The following CFAP20DC variants were observed in gnomAD, a reference collection of about 807,000 sequenced individuals.
CFAP20DC encodes the protein CFAP20 domain containing.
Under a neutral mutation model 101.7 loss-of-function variants are expected in CFAP20DC, and 84 were observed. The observed-to-expected ratio is 0.83, with a 90% CI of 0.69 to 0.99. The LOEUF is 0.99. Among genes scored for constraint, CFAP20DC ranks in the 50% least tolerant of loss-of-function variants. CFAP20DC has a pLI of 0.00. For synonymous variants in CFAP20DC, 359 were observed against 351.2 expected (o/e 1.02, Z -0.25); for missense variants, 1,007 against 970.3 (o/e 1.04, Z -0.50).
At chr3:58,972,385 T>C (rs752385197) in intron 4 of CFAP20DC, among the ~76,000 whole-genome samples, 13 of 152,160 alleles carry the variant, frequency 8.5e-5, no homozygotes, top group Non-Finnish European at 1.8e-4. Flanking sequence ...TGGAAGGCCA[T>C]ATAATAAAAT....
chr3:58,879,774 G>A (rs901191597), intron 7 of CFAP20DC, among the ~76,000 whole-genome samples: 6 of 151,946 alleles, frequency 3.9e-5, no homozygotes, highest in South Asian at 4.2e-4. Context: ...TTAGAGCCCC[G>A]AGTTCACCAG....
At chr3:58,942,331 A>G (rs1388009599) in intron 4 of CFAP20DC, among the ~76,000 whole-genome samples, 3 of 152,208 alleles carry the variant, frequency 2.0e-5, no homozygotes, top group Non-Finnish European at 2.9e-5. Context: ...CAGTGAGATA[A>G]ATGCAGAAGG....
intron 15 of CFAP20DC, among the ~76,000 whole-genome samples, chr3:58,792,668 A>G (rs984080245): frequency 5.3e-5 from 8 of 151,804 alleles, no homozygotes; most frequent in Non-Finnish European, 2.9e-5. Flanking sequence ...AGAGTACTCA[A>G]TTGAAATTTG....
chr3:58,750,832 A>G (rs1359423475), intron 16 of CFAP20DC, among the ~76,000 whole-genome samples: 2 of 152,232 alleles, frequency 1.3e-5, no homozygotes, highest in African/African-American at 4.8e-5. Context: ...CACTTGAAAG[A>G]AAAGTTGTTA....
rs2079275490 is a variant in CFAP20DC, at chr3:58,861,813, G to C, written c.1593+1745C>G. 2 of 985,318 alleles carry C rather than the reference G, an allele frequency of 2.0e-6. No homozygotes were observed. The highest frequency in any genetic ancestry group is 3.5e-5 in the African/African-American group (2 of 57,256). The allele number at this position is 985,318 out of a possible 1,614,324, so 61.0% of individuals were successfully genotyped here. A position where few individuals can be genotyped will look rare whatever the true frequency, so the allele number is the denominator to read the frequency against. ...CTAGCCGTATGCTACTGGTCACCTT[G>C]ATGGGCATGGCACAGGGGTGACCAG... On this transcript the variant is annotated intron_variant, in intron 12 of 16. Coordinates refer to ENST00000482387, the MANE Select transcript of CFAP20DC (RefSeq NM_001394063.1). This position sits in a 1 kb window ranked among gnomAD's most constrained non-coding sequence, Gnocchi z 4.0.
intron 3 of CFAP20DC, among the ~76,000 whole-genome samples, chr3:58,718,327 C>G (rs2067424756): frequency 6.6e-6 from 1 of 152,198 alleles, no homozygotes. Flanking sequence ...TTGCTTCTGA[C>G]AAGATTGCTA....
intron 15 of CFAP20DC, among the ~76,000 whole-genome samples, chr3:58,779,943 A>T (rs1374311758): frequency 6.6e-6 from 1 of 152,146 alleles, no homozygotes; most frequent in Non-Finnish European, 1.5e-5. Flanking sequence ...ACAAAGAGAG[A>T]ATTATAAAAC....
chr3:58,903,367 A>G (rs1156451655), intron 6 of CFAP20DC, among the ~76,000 whole-genome samples: 1 of 152,092 alleles, frequency 6.6e-6, no homozygotes, highest in Non-Finnish European at 1.5e-5. Flanking sequence ...TTGCATGTGG[A>G]TATACAGAAT....
At position 58,732,177 on chromosome 3, in the gene CFAP20DC, C is replaced by A. The variant is rs2067658426; in HGVS notation, c.198-14549G>T. Among the ~76,000 whole-genome samples, 3 of 152,226 alleles carry A rather than the reference C, an allele frequency of 2.0e-5. No individual in the cohort carries two copies. Among genetic ancestry groups the A allele is most frequent in the Admixed American group, 2.0e-4 (3 of 15,280 alleles). ...TTACAATTTCCAGGGCAGAATAAAG[C>A]ATTCAGCAGAGTCACGGTCCAAGGC... On this transcript the variant is annotated intron_variant, in intron 3 of 3. Transcript: ENST00000486145. The surrounding 1 kb of genome is among the most constrained non-coding windows in gnomAD (Gnocchi z 5.4).
chr3:59,037,915 G>A (rs946312879), intron 4 of CFAP20DC, among the ~76,000 whole-genome samples: 3 of 152,122 alleles, frequency 2.0e-5, no homozygotes, highest in African/African-American at 7.2e-5. Flanking sequence ...AGAAAATGTA[G>A]CACATATGCA....
At chr3:58,915,108 T>A (rs2084545493) in intron 5 of CFAP20DC, among the ~76,000 whole-genome samples, 1 of 152,138 alleles carries the variant, frequency 6.6e-6, no homozygotes, top group South Asian at 2.1e-4. Flanking sequence ...TGTTGAGAAG[T>A]TCGGACTAAC....
In CFAP20DC at chr3:59,028,932, C is replaced by T. The variant is rs570176878; in HGVS notation, c.278+10625G>A. 1.2e-3 allele frequency among the ~76,000 whole-genome samples: 188 copies of T among 152,258 alleles called. 2 individuals are homozygous for T. Among genetic ancestry groups the T allele is most frequent in the African/African-American group, 4.3e-3 (180 of 41,546 alleles). On this transcript the variant is annotated intron_variant, in intron 4 of 16. Coordinates refer to ENST00000482387, the MANE Select transcript of CFAP20DC (RefSeq NM_001394063.1). Reference sequence around the variant, plus strand: ...GGTGAGGCAGGTTAAGTAATTTGACCAAAGTCCCACAGAGGTAAAGCAGAA... The same window carrying T: ...GGTGAGGCAGGTTAAGTAATTTGACTAAAGTCCCACAGAGGTAAAGCAGAA...
intron 4 of CFAP20DC, among the ~76,000 whole-genome samples, chr3:58,978,955 T>A (rs2092401822): frequency 6.6e-6 from 1 of 152,162 alleles, no homozygotes; most frequent in African/African-American, 2.4e-5. Context: ...GCATTCTTGC[T>A]ATATTCTTCA....
At chr3:58,830,344 T>A (rs1221677928) in intron 14 of CFAP20DC, among the ~76,000 whole-genome samples, 1 of 152,180 alleles carries the variant, frequency 6.6e-6, no homozygotes, top group East Asian at 1.9e-4. Flanking sequence ...CACCACATCA[T>A]GGTGGTCAGG....
chr3:58,761,382 T>G (rs1198378157), intron 15 of CFAP20DC, among the ~76,000 whole-genome samples: 1 of 152,158 alleles, frequency 6.6e-6, no homozygotes, highest in African/African-American at 2.4e-5. Flanking sequence ...GGTGGTGATA[T>G]CCCCTTTATC....
intron 4 of CFAP20DC, among the ~76,000 whole-genome samples, chr3:58,978,340 T>C (rs2092369511): frequency 6.6e-6 from 1 of 152,174 alleles, no homozygotes; most frequent in East Asian, 1.9e-4. Flanking sequence ...TTCTCAAGAT[T>C]GCAAATCTCT....
At chr3:58,827,903 T>G (rs1291005424) in intron 14 of CFAP20DC, among the ~76,000 whole-genome samples, 1 of 152,172 alleles carries the variant, frequency 6.6e-6, no homozygotes, top group Non-Finnish European at 1.5e-5. Flanking sequence ...CAAGCAAGCT[T>G]GTGGTGAGAG....
chr3:58,986,792 AG>A, intron 4 of CFAP20DC, among the ~76,000 whole-genome samples: 1 of 152,118 alleles, frequency 6.6e-6, no homozygotes, highest in Non-Finnish European at 1.5e-5. Flanking sequence ...TCCATGCTAC[AG>A]GTACTCTCAC....
chr3:58,751,528 CAGG>C (rs2068573640), intron 16 of CFAP20DC, among the ~76,000 whole-genome samples: 1 of 152,148 alleles, frequency 6.6e-6, no homozygotes, highest in Non-Finnish European at 1.5e-5. Flanking sequence ...TGAGGGCTGA[CAGG>C]TGACCAGAGG....
Sources: allele counts gnomAD v4.1 joint callset (sites outside exome capture counted in the v4.1 genomes callset), GRCh38; gene constraint gnomAD v4.1.1; non-coding constraint Gnocchi (gnomAD v3.1); transcripts MANE v1.5; gene names NCBI Gene and HGNC (gene_info 2026-07-23, HGNC 2026-07-21).